Variants in CYP19A1 observed in about 807,000 individuals in gnomAD.
The protein encoded by CYP19A1 is cytochrome P450 family 19 subfamily A member 1.
In CYP19A1, 32 loss-of-function variants were observed where a neutral mutation model predicts 44.4. The observed-to-expected ratio is 0.72, with a 90% confidence interval of 0.54 to 0.97. The LOEUF is 0.97. Among genes scored for constraint, CYP19A1 ranks in the 50% least tolerant of loss-of-function variants. The probability of loss-of-function intolerance (pLI) is 0.00; values close to 1 mark genes in which losing one functional copy is unlikely to be tolerated. For synonymous variants in CYP19A1, 212 were observed against 215.6 expected, an observed-to-expected ratio of 0.98 and a Z score of 0.14; for missense variants, 598 against 637.8, an observed-to-expected ratio of 0.94 and a Z score of 0.67.
At chr15:51,334,939 CA>C (rs1304881992) in intron 1 of CYP19A1, among the ~76,000 whole-genome samples, 2 of 152,218 alleles carry the variant, frequency 1.3e-5, no homozygotes, top group African/African-American at 4.8e-5. Context: ...TGACACAGGA[CA>C]CTCTGATGAG....
At position 51,219,987 on chromosome 15, in the gene CYP19A1, G is replaced by C. The variant is rs2031928724; in HGVS notation, c.629-1332C>G. On this transcript the variant is annotated intron_variant, in intron 5 of 9. Coordinates refer to ENST00000396402, the MANE Select transcript of CYP19A1 (RefSeq NM_000103.4). The stretch of plus-strand genomic sequence containing the variant: ...ATGGCCATCAGATGAAGTGTCTCCA[G>C]CTCTTGTATGGAGTAGCTGGAGTAG... Among the ~76,000 whole-genome samples, 3 of 152,226 alleles carry C rather than the reference G, an allele frequency of 2.0e-5. No homozygotes were observed. The South Asian group carries it at 6.2e-4, about 32-fold the overall frequency.
chr15:51,257,060 T>C (rs1429400185), intron 1 of CYP19A1, among the ~76,000 whole-genome samples: 1 of 152,224 alleles, frequency 6.6e-6, no homozygotes, highest in Non-Finnish European at 1.5e-5. Context: ...CCTAATTACA[T>C]GTGAGTGGCA....
At chr15:51,215,974 C>T (rs1380461033) in intron 6 of CYP19A1, 157 bp from the exon 7 acceptor site, 2 of 1,372,962 alleles carry the variant, frequency 1.5e-6, no homozygotes, top group Non-Finnish European at 9.7e-7. Flanking sequence ...TCATAAATAC[C>T]CTTAAATTAC....
rs2030820356 is a variant in CYP19A1, at chr15:51,210,436, A to G, written c.*372T>C. ...ATCAACTTGAGTGTTTCTGCCCCAG[A>G]CATAAAAATCCCCTTGGGTTGAGGC... On this transcript the variant is annotated 3_prime_UTR_variant, in exon 10 of 10. Coordinates refer to ENST00000396402, the MANE Select transcript of CYP19A1 (RefSeq NM_000103.4). 1.9e-6 allele frequency: 1 copy of G among 518,736 alleles called. No individual in the cohort carries two copies. The highest frequency in any genetic ancestry group is 3.8e-6 in the Non-Finnish European group (1 of 266,556). The allele number at this position is 518,736 out of a possible 1,614,324, so 32.1% of individuals were successfully genotyped here. A position where few individuals can be genotyped will look rare whatever the true frequency, so the allele number is the denominator to read the frequency against.
At chr15:51,326,936 G>T (rs963725896) in intron 1 of CYP19A1, among the ~76,000 whole-genome samples, 1 of 152,126 alleles carries the variant, frequency 6.6e-6, no homozygotes, top group South Asian at 2.1e-4. Context: ...GAACTAGCTT[G>T]CCCATGACCA....
chr15:51,310,667 T>C (rs796125495), intron 1 of CYP19A1, among the ~76,000 whole-genome samples: 52 of 152,280 alleles, frequency 3.4e-4, no homozygotes, highest in African/African-American at 1.2e-3. Flanking sequence ...CTCACTTTTT[T>C]CCCCTTGCAC....
intron 1 of CYP19A1, among the ~76,000 whole-genome samples, chr15:51,281,699 G>T (rs2035524387): frequency 6.6e-6 from 1 of 152,020 alleles, no homozygotes; most frequent in African/African-American, 2.4e-5. Context: ...ATCTGAAGTA[G>T]AGATATATGC....
chr15:51,297,519 A>G (rs1215425385), intron 1 of CYP19A1, among the ~76,000 whole-genome samples: 1 of 151,950 alleles, frequency 6.6e-6, no homozygotes, highest in Admixed American at 6.6e-5. Flanking sequence ...ATTCCCCTCC[A>G]AGAGGGGCTT....
chr15:51,230,098 A>T (rs2032910766), intron 3 of CYP19A1, among the ~76,000 whole-genome samples: 1 of 152,254 alleles, frequency 6.6e-6, no homozygotes, highest in African/African-American at 2.4e-5. Context: ...AAAGCAAGGG[A>T]TGTGTGACTG....
At chr15:51,328,246 TG>T (rs2036643046) in intron 1 of CYP19A1, among the ~76,000 whole-genome samples, 1 of 152,350 alleles carries the variant, frequency 6.6e-6, no homozygotes, top group East Asian at 1.9e-4. Context: ...AAATAAATCC[TG>T]TGTGTTTATA....
chr15:51,246,318 C>T (rs1019431830), intron 1 of CYP19A1, among the ~76,000 whole-genome samples: 5 of 152,122 alleles, frequency 3.3e-5, no homozygotes, highest in Admixed American at 2.6e-4. Flanking sequence ...TTTGCCAGGC[C>T]GTCTCAAATG....
chr15:51,317,049 C>T (rs2036439238), intron 1 of CYP19A1, among the ~76,000 whole-genome samples: 2 of 151,802 alleles, frequency 1.3e-5, no homozygotes, highest in Non-Finnish European at 2.9e-5. Flanking sequence ...GCCACCTTCC[C>T]AGTCCTGGGC....
At chr15:51,318,047 G>T (rs1443272301) in intron 1 of CYP19A1, among the ~76,000 whole-genome samples, 1 of 152,134 alleles carries the variant, frequency 6.6e-6, no homozygotes, top group Non-Finnish European at 1.5e-5. Context: ...GTAGGATCTG[G>T]ACCTATCCTT....
Position 51,247,666 on chromosome 15 carries a change from G to A in CYP19A1, c.-38-4716C>T, listed in dbSNP as rs959468594. Among the ~76,000 whole-genome samples the A allele has an allele frequency of 7.2e-5, 11 of 151,912 alleles. 1 individual carries two copies. Among genetic ancestry groups the A allele is most frequent in the Admixed American group, 6.6e-4 (10 of 15,254 alleles). ...TTTGTATTTTTAGTAGGGAGGATAGGGTTTCACCATGTTGGTCAGGCTAGT... is the reference window on the plus strand; with the variant it reads ...TTTGTATTTTTAGTAGGGAGGATAGAGTTTCACCATGTTGGTCAGGCTAGT... On this transcript the variant is annotated intron_variant, in intron 1 of 9. Coordinates refer to ENST00000396402, the MANE Select transcript of CYP19A1 (RefSeq NM_000103.4).
At chr15:51,251,511 T>C (rs1371946920) in intron 1 of CYP19A1, among the ~76,000 whole-genome samples, 1 of 152,224 alleles carries the variant, frequency 6.6e-6, no homozygotes, top group Non-Finnish European at 1.5e-5. Context: ...ACACCTCGCT[T>C]TTCTATCTAG....
intron 1 of CYP19A1, among the ~76,000 whole-genome samples, chr15:51,244,467 T>TG (rs1217282518): frequency 6.6e-6 from 1 of 151,236 alleles, no homozygotes; most frequent in Non-Finnish European, 1.5e-5. Context: ...TTGTGGTTGT[T>TG]TTTTTTTTAA....
chr15:51,332,370 T>TGA (rs2036715469), intron 1 of CYP19A1, among the ~76,000 whole-genome samples: 3 of 152,238 alleles, frequency 2.0e-5, no homozygotes, highest in African/African-American at 7.2e-5. Flanking sequence ...CACACCAATG[T>TGA]GAGACCTGTG....
At chr15:51,245,669 A>G (rs1304210387) in intron 1 of CYP19A1, among the ~76,000 whole-genome samples, 1 of 152,278 alleles carries the variant, frequency 6.6e-6, no homozygotes. Context: ...TCAAATTTAC[A>G]AGAAAAAAAC....
At chr15:51,297,836 A>ACC (rs1003498098) in intron 1 of CYP19A1, among the ~76,000 whole-genome samples, 8 of 150,002 alleles carry the variant, frequency 5.3e-5, no homozygotes, top group African/African-American at 2.0e-4. Context: ...ACACACACAC[A>ACC]CACACACACA....
Sources: gnomAD v4.1 joint callset for allele counts (sites outside exome capture counted in the v4.1 genomes callset) on GRCh38, gnomAD v4.1.1 for gene constraint, MANE v1.5 for transcripts, NCBI Gene and HGNC (gene_info 2026-07-23, HGNC 2026-07-21) for gene names.